DAB1: variants seen among roughly 807,000 people sequenced by gnomAD.
DAB1 encodes DAB adaptor protein 1, also known as disabled homolog 1.
Under a neutral mutation model 64.6 loss-of-function variants are expected in DAB1, and 15 were observed. The observed-to-expected ratio is 0.23, with a 90% CI of 0.16 to 0.36. DAB1 has a LOEUF of 0.36. Ranked by LOEUF, DAB1 falls within the 10% of genes least tolerant of loss-of-function variation. The pLI is 1.00. For missense variants in DAB1, 596 were observed against 706.7 expected (o/e 0.84, Z 1.78); for synonymous variants, 235 against 251.9 (o/e 0.93, Z 0.64).
chr1:57,878,187 T>A (rs1240226592), intron 1 of DAB1: 1 of 152,250 alleles, frequency 6.6e-6, no homozygotes, highest in Non-Finnish European at 1.5e-5. Context: ...AGAACTTCAG[T>A]AAAATCTTTT....
intron 11 of DAB1, among the ~76,000 whole-genome samples, chr1:57,020,548 C>G (rs1646580813): frequency 6.6e-6 from 1 of 152,124 alleles, no homozygotes; most frequent in Non-Finnish European, 1.5e-5. Flanking sequence ...CTGCTGTCTG[C>G]TATAAGCAGT....
rs183611396 is a variant in DAB1 at position 57,336,784 on chromosome 1, G to C, written c.-136-45618C>G. Among the ~76,000 whole-genome samples, 4 of 152,306 alleles carry C rather than the reference G, an allele frequency of 2.6e-5. No individual in the cohort carries two copies. The East Asian group carries it at 7.7e-4, about 29-fold the overall frequency. ...TTACAGTAATTGTCCTAAGCAATCT[G>C]TATTTGTTATTTATATGTGTTGTAA... is the stretch of plus-strand genomic sequence containing the variant. On this transcript the variant is annotated intron_variant, in intron 1 of 14. Coordinates refer to ENST00000371236, the MANE Select transcript of DAB1 (RefSeq NM_001365792.1).
intron 6 of DAB1, among the ~76,000 whole-genome samples, chr1:57,788,648 T>A (rs1650447667): frequency 6.6e-6 from 1 of 152,148 alleles, no homozygotes; most frequent in South Asian, 2.1e-4. Context: ...GACTCTAGAG[T>A]CAGGCAGACC....
At chr1:58,324,194 A>G (rs754480356) in intron 4 of DAB1, among the ~76,000 whole-genome samples, 6 of 152,154 alleles carry the variant, frequency 3.9e-5, no homozygotes, top group African/African-American at 1.4e-4. Flanking sequence ...TAATTGTATT[A>G]TAATAGCCTC....
intron 9 of DAB1, among the ~76,000 whole-genome samples, chr1:57,053,711 G>A (rs1298510429): frequency 3.4e-5 from 3 of 87,872 alleles, no homozygotes; most frequent in East Asian, 3.0e-4. Context: ...TTTTTGAGAC[G>A]GAGTCTCACT....
chr1:57,747,168 T>C (rs189470450), intron 6 of DAB1, among the ~76,000 whole-genome samples: 1 of 152,338 alleles, frequency 6.6e-6, no homozygotes. Flanking sequence ...TTTTAAGGTT[T>C]GGTTTTTGAC....
intron 5 of DAB1, among the ~76,000 whole-genome samples, chr1:58,007,427 CT>C (rs369111578): frequency 1.3e-5 from 2 of 152,226 alleles, no homozygotes; most frequent in Middle Eastern, 3.4e-3. Flanking sequence ...CTTTATTAAT[CT>C]TTTTTTCCCA....
intron 1 of DAB1, among the ~76,000 whole-genome samples, chr1:57,323,537 T>C (rs1348945082): frequency 6.6e-6 from 1 of 152,184 alleles, no homozygotes; most frequent in Non-Finnish European, 1.5e-5. Flanking sequence ...ATTTTCACTT[T>C]AAATGTTGAT....
intron 1 of DAB1, among the ~76,000 whole-genome samples, chr1:57,345,856 G>A (rs188648197): frequency 6.6e-6 from 1 of 152,176 alleles, no homozygotes; most frequent in African/African-American, 2.4e-5. Flanking sequence ...CACTTGCATT[G>A]TACTCTAATC....
chr1:58,338,161 T>A (rs1663167184), intron 4 of DAB1, among the ~76,000 whole-genome samples: 3 of 152,138 alleles, frequency 2.0e-5, no homozygotes, highest in Non-Finnish European at 4.4e-5. Flanking sequence ...AAATAAACCT[T>A]GATGTTTGAA....
At position 57,324,006 on chromosome 1, in the gene DAB1, A is replaced by C. The variant is rs571210218; in HGVS notation, c.-136-32840T>G. ...AGATGACAGGCATGGAGGAGAAAAA[A>C]GTTACACATGTTTGGGGCAAATGAA... On this transcript the variant is annotated intron_variant, in intron 1 of 14. Transcript: ENST00000371236. Among the ~76,000 whole-genome samples, 4 of 152,322 alleles carry C rather than the reference A, an allele frequency of 2.6e-5. No individual in the cohort carries two copies. The South Asian group carries it at 8.3e-4, about 32-fold the overall frequency.
chr1:57,514,703 C>A (rs1644444169), intron 7 of DAB1, among the ~76,000 whole-genome samples: 1 of 152,254 alleles, frequency 6.6e-6, no homozygotes, highest in Non-Finnish European at 1.5e-5. Flanking sequence ...AAAGTCATGT[C>A]AAAGTGCTGG....
chr1:57,181,770 C>A (rs1489309695), intron 2 of DAB1, among the ~76,000 whole-genome samples: 1 of 152,152 alleles, frequency 6.6e-6, no homozygotes, highest in Non-Finnish European at 1.5e-5. Flanking sequence ...AATTTGAATC[C>A]CAGCTAAGCC....
chr1:58,179,061 A>C (rs541921357), intron 4 of DAB1, among the ~76,000 whole-genome samples: 49 of 152,170 alleles, frequency 3.2e-4, no homozygotes, highest in African/African-American at 1.1e-3. Context: ...AATTTTGTCA[A>C]ATACTTTTTT....
chr1:58,484,204 T>A (rs565901764), intron 3 of DAB1, among the ~76,000 whole-genome samples: 7 of 152,366 alleles, frequency 4.6e-5, no homozygotes, highest in African/African-American at 9.6e-5. Context: ...TATTTCTCCG[T>A]TACTGGGCAT....
intron 1 of DAB1, among the ~76,000 whole-genome samples, chr1:57,368,938 G>A (rs567413259): frequency 2.0e-5 from 3 of 152,174 alleles, no homozygotes; most frequent in African/African-American, 4.8e-5. Context: ...ACATATACTA[G>A]AAACACTAAG....
intron 6 of DAB1, among the ~76,000 whole-genome samples, chr1:57,769,676 T>C (rs1014780536): frequency 1.3e-5 from 2 of 152,198 alleles, no homozygotes; most frequent in Non-Finnish European, 2.9e-5. Flanking sequence ...GAGTTGGGAC[T>C]CTATTCTCTG....
At chr1:58,488,363 C>CAGTG (rs961996805) in intron 3 of DAB1, among the ~76,000 whole-genome samples, 2 of 152,114 alleles carry the variant, frequency 1.3e-5, no homozygotes, top group Non-Finnish European at 2.9e-5. Flanking sequence ...GGGGAACAGG[C>CAGTG]AGTGTTCAGT....
chr1:57,560,096 C>T (rs950721736), intron 7 of DAB1, among the ~76,000 whole-genome samples: 2 of 152,244 alleles, frequency 1.3e-5, no homozygotes. Flanking sequence ...GGTATGCAGA[C>T]ATTGACTTGG....
Sources: allele counts gnomAD v4.1 joint callset (sites outside exome capture counted in the v4.1 genomes callset), GRCh38; gene constraint gnomAD v4.1.1; transcripts MANE v1.5; gene names NCBI Gene and HGNC (gene_info 2026-07-23, HGNC 2026-07-21).